Variants in AVEN observed in about 807,000 individuals in gnomAD.
AVEN encodes cell death regulator Aven.
Under a neutral mutation model 38.1 loss-of-function variants are expected in AVEN, and 41 were observed. The observed-to-expected ratio is 1.08, with a 90% CI of 0.84 to 1.40. The LOEUF is 1.40. AVEN is among the 40% of genes most tolerant of loss of function. AVEN has a pLI of 0.00. For missense variants in AVEN, 605 were observed against 438.8 expected, an observed-to-expected ratio of 1.38 and a Z score of -3.38; for synonymous variants, 206 against 171.8, an observed-to-expected ratio of 1.20 and a Z score of -1.56.
chr15:34,013,285 C>T (rs1303515916), intron 1 of AVEN, among the ~76,000 whole-genome samples: 1 of 152,200 alleles, frequency 6.6e-6, no homozygotes, highest in Non-Finnish European at 1.5e-5. Flanking sequence ...TGGTCTCAAA[C>T]TCCTGATCTC....
intron 1 of AVEN, among the ~76,000 whole-genome samples, chr15:34,011,128 G>T (rs935658671): frequency 2.0e-5 from 3 of 152,030 alleles, no homozygotes; most frequent in Non-Finnish European, 4.4e-5. Context: ...AGAGCTCAAG[G>T]CTGCAGTAAG....
chr15:34,043,195 C>T (rs1364556886), upstream of AVEN, among the ~76,000 whole-genome samples: 2 of 149,600 alleles, frequency 1.3e-5, no homozygotes, highest in Non-Finnish European at 3.0e-5. Context: ...TGCAGTGAGC[C>T]GAGATCACAC....
intron 2 of AVEN, among the ~76,000 whole-genome samples, chr15:33,889,802 G>T (rs559804749): frequency 2.0e-5 from 3 of 152,304 alleles, no homozygotes; most frequent in African/African-American, 7.2e-5. Flanking sequence ...TTCAGGTCAT[G>T]TCCTTTGAGA....
At chr15:33,866,975 C>A (rs1424840741) in intron 5 of AVEN, among the ~76,000 whole-genome samples, 1 of 151,968 alleles carries the variant, frequency 6.6e-6, no homozygotes, top group African/African-American at 2.4e-5. Context: ...TTCCTTTTTA[C>A]TATTATTATT....
chr15:34,015,039 T>C (rs926336838), intron 1 of AVEN, among the ~76,000 whole-genome samples: 17 of 152,104 alleles, frequency 1.1e-4, no homozygotes, highest in Non-Finnish European at 2.2e-4. Context: ...TCCTGAAGCC[T>C]GAAAAGCTGT....
chr15:34,033,423 T>C (rs1198072762), intron 1 of AVEN, among the ~76,000 whole-genome samples: 1 of 152,002 alleles, frequency 6.6e-6, no homozygotes, highest in Non-Finnish European at 1.5e-5. Context: ...GGAGAATTGC[T>C]TGAACCCAAG....
chr15:33,948,265 T>C (rs1894583953), intron 2 of AVEN, among the ~76,000 whole-genome samples: 1 of 152,008 alleles, frequency 6.6e-6, no homozygotes, highest in African/African-American at 2.4e-5. Context: ...CCCAGCTGAT[T>C]TTTGTATTTT....
chr15:34,053,711 A>C (rs946009838), intron 5 of AVEN, among the ~76,000 whole-genome samples: 2 of 152,188 alleles, frequency 1.3e-5, no homozygotes, highest in Non-Finnish European at 2.9e-5. Context: ...TGTAAAACCC[A>C]AAACTATAAA....
chr15:33,859,924 G>A (rs2080147710), intron 11 of AVEN, among the ~76,000 whole-genome samples: 1 of 152,184 alleles, frequency 6.6e-6, no homozygotes, highest in African/African-American at 2.4e-5. Flanking sequence ...CCCAGGCACA[G>A]TTATAAGAAG....
At chr15:33,915,197 C>G (rs997727249) in intron 2 of AVEN, among the ~76,000 whole-genome samples, 1 of 152,158 alleles carries the variant, frequency 6.6e-6, no homozygotes, top group Non-Finnish European at 1.5e-5. Context: ...CCACTCAGAG[C>G]AGCATGTGGA....
intron 1 of AVEN, among the ~76,000 whole-genome samples, chr15:34,036,621 A>G (rs1899139492): frequency 6.6e-6 from 1 of 152,232 alleles, no homozygotes; most frequent in Non-Finnish European, 1.5e-5. Flanking sequence ...GAAGGAACTT[A>G]GAGATGACCA....
chr15:34,065,685 A>T (rs923340260), intron 4 of AVEN: 1 of 152,194 alleles, frequency 6.6e-6, no homozygotes, highest in African/African-American at 2.4e-5. Flanking sequence ...CATGAGGATT[A>T]TTAAAAACCA....
At chr15:33,983,184 G>A (rs1021527270) in intron 2 of AVEN, among the ~76,000 whole-genome samples, 9 of 59,156 alleles carry the variant, frequency 1.5e-4, no homozygotes, top group Admixed American at 9.1e-4. Context: ...ATATACACAC[G>A]TGTGTGTATG....
At chr15:33,964,794 C>T (rs1002538641) in intron 2 of AVEN, among the ~76,000 whole-genome samples, 9 of 152,146 alleles carry the variant, frequency 5.9e-5, no homozygotes, top group African/African-American at 2.2e-4. Flanking sequence ...TAAAGACAGT[C>T]AACTCTCCAG....
chr15:34,026,933 G>C (rs1336504052), intron 1 of AVEN, among the ~76,000 whole-genome samples: 2 of 152,182 alleles, frequency 1.3e-5, no homozygotes, highest in Non-Finnish European at 2.9e-5. Context: ...GACATGATGT[G>C]TTTTGTCCCA....
intron 3 of AVEN, among the ~76,000 whole-genome samples, chr15:33,873,286 C>T (rs1022217099): frequency 2.7e-5 from 4 of 149,646 alleles, no homozygotes; most frequent in African/African-American, 7.3e-5. Flanking sequence ...TTTCAGTAGA[C>T]GCAGGGTTTC....
chr15:33,947,930 G>A lies in AVEN; in HGVS notation c.445+55102C>T, dbSNP rs543471162. ...GATTTCTGCTAGGTAGAAAATACATGAACAATTCTGCTTTAAAGGTTTTTA... is the reference window on the plus strand; with the variant it reads ...GATTTCTGCTAGGTAGAAAATACATAAACAATTCTGCTTTAAAGGTTTTTA... On this transcript the variant is annotated intron_variant, in intron 2 of 5. Transcript: ENST00000306730. 3.3e-5 allele frequency among the ~76,000 whole-genome samples: 5 copies of A among 152,120 alleles called. No individual in the cohort carries two copies. The South Asian group carries it at 1.0e-3, about 32-fold the overall frequency.
chr15:34,041,006 C>T (rs768026094), upstream of AVEN, among the ~76,000 whole-genome samples: 3 of 151,912 alleles, frequency 2.0e-5, no homozygotes, highest in Non-Finnish European at 4.4e-5. Context: ...ACCAGCATAT[C>T]ACTGGTCTGG....
intron 1 of AVEN, among the ~76,000 whole-genome samples, chr15:34,004,564 A>ATTGT (rs1318399362): frequency 6.6e-6 from 1 of 152,164 alleles, no homozygotes. Flanking sequence ...CCACTAATTT[A>ATTGT]TTGTTTGTTT....
Sources: allele counts gnomAD v4.1 joint callset (sites outside exome capture counted in the v4.1 genomes callset), GRCh38; gene constraint gnomAD v4.1.1; transcripts MANE v1.5; gene names NCBI Gene and HGNC (gene_info 2026-07-23, HGNC 2026-07-21).